Variants in OR51B5 observed in about 807,000 individuals in gnomAD.
The protein encoded by OR51B5 is olfactory receptor 51B5.
For synonymous variants in OR51B5, 186 were observed against 144.8 expected (o/e 1.28, Z -2.04); for missense variants, 456 against 374.6 (o/e 1.22, Z -1.79).
At chr11:5,410,996 G>C (rs1280752403) in intron 1 of OR51B5, among the ~76,000 whole-genome samples, 1 of 152,150 alleles carries the variant, frequency 6.6e-6, no homozygotes, top group Non-Finnish European at 1.5e-5. Context: ...AAAAGATACA[G>C]TAAGCTAAGG....
At chr11:5,400,891 C>T (rs146405077) in intron 1 of OR51B5, among the ~76,000 whole-genome samples, 1 of 152,278 alleles carries the variant, frequency 6.6e-6, no homozygotes, top group African/African-American at 2.4e-5. Context: ...TGCGTAAGTT[C>T]AGCAGTGGCT....
At position 5,389,363 on chromosome 11, in the gene OR51B5, G is replaced by C. The variant is rs78839359; in HGVS notation, n.85-42453C>G. On this transcript the variant is annotated intron_variant and non_coding_transcript_variant, in intron 1 of 4. Coordinates refer to the OR51B5 transcript ENST00000415970. ...AGTGAAGCTGAAGAATTAATAACCA[G>C]AAATATCCATTTATTTTCAGCTCAA... 9.4e-4 allele frequency: 1,495 copies of C among 1,592,438 alleles called. 11 individuals carry two copies. The African/African-American group carries it at 0.018, about 19-fold the overall frequency.
At chr11:5,405,131 C>G (rs982928283) in intron 1 of OR51B5, among the ~76,000 whole-genome samples, 1 of 152,162 alleles carries the variant, frequency 6.6e-6, no homozygotes, top group African/African-American at 2.4e-5. Flanking sequence ...AGCGTTTATA[C>G]TTACATTTTC....
chr11:5,430,926 T>C (rs1343349418), intron 1 of OR51B5: 1 of 457,004 alleles, frequency 2.2e-6, no homozygotes, highest in East Asian at 6.9e-5. Context: ...TGCCCATCAC[T>C]GTATAAAGAA....
chr11:5,423,110 G>A (rs1035561311), intron 1 of OR51B5: 1 of 1,605,942 alleles, frequency 6.2e-7, no homozygotes, highest in Middle Eastern at 1.7e-4. Flanking sequence ...GATCCAATGG[G>A]GAATGTTAAA....
chr11:5,382,669 G>A (rs1849627204), intron 1 of OR51B5, among the ~76,000 whole-genome samples: 2 of 152,092 alleles, frequency 1.3e-5, no homozygotes, highest in South Asian at 4.1e-4. Flanking sequence ...CCTTCCTATT[G>A]TACCGAAGCC....
chr11:5,481,935 G>C (rs1851428574), intron 1 of OR51B5, among the ~76,000 whole-genome samples: 1 of 130,580 alleles, frequency 7.7e-6, no homozygotes, highest in Admixed American at 7.7e-5. Flanking sequence ...ACTGCCCAAG[G>C]TAATTTACAG....
In OR51B5 at chr11:5,483,057, C is replaced by T. The variant is rs879519635; in HGVS notation, n.84+22512G>A. 5.4e-3 allele frequency among the ~76,000 whole-genome samples: 791 copies of T among 147,708 alleles called. 3 individuals carry two copies. The highest frequency in any genetic ancestry group is 0.032 in the South Asian group (142 of 4,460). On this transcript the variant is annotated intron_variant and non_coding_transcript_variant, in intron 1 of 4. Coordinates refer to the OR51B5 transcript ENST00000415970. ...ATGCTGCTATAAAGACACATGCACA[C>T]GTATGTTTATTGCGGCATTATGCAC... is the stretch of plus-strand genomic sequence containing the variant.
chr11:5,360,908 C>T (rs1849273928), intron 1 of OR51B5, among the ~76,000 whole-genome samples: 1 of 151,376 alleles, frequency 6.6e-6, no homozygotes, highest in African/African-American at 2.4e-5. Context: ...CCAAACACTG[C>T]ATGTTCTCAC....
At chr11:5,428,827 C>T (rs1432150899) in intron 1 of OR51B5, among the ~76,000 whole-genome samples, 3 of 152,162 alleles carry the variant, frequency 2.0e-5, no homozygotes, top group Non-Finnish European at 4.4e-5. Flanking sequence ...TGTTCAGAGG[C>T]TGAAACTACC....
chr11:5,402,689 C>T (rs148211449), intron 1 of OR51B5: 1 of 471,252 alleles, frequency 2.1e-6, no homozygotes, highest in Non-Finnish European at 4.4e-6. Flanking sequence ...TCTGGATATC[C>T]GTCCCCTTCT....
intron 1 of OR51B5, among the ~76,000 whole-genome samples, chr11:5,478,220 C>G (rs1204466487): frequency 3.9e-5 from 6 of 152,044 alleles, no homozygotes; most frequent in African/African-American, 1.2e-4. Flanking sequence ...CCCGAGCAGC[C>G]TAACTGGGAG....
chr11:5,427,399 T>C (rs1304811219), intron 1 of OR51B5, among the ~76,000 whole-genome samples: 1 of 152,224 alleles, frequency 6.6e-6, no homozygotes, highest in Non-Finnish European at 1.5e-5. Context: ...GCCAGGTTTT[T>C]CAGAGTTAGA....
At chr11:5,460,791 GAT>G (rs1293079401) in intron 1 of OR51B5, among the ~76,000 whole-genome samples, 1 of 152,204 alleles carries the variant, frequency 6.6e-6, no homozygotes. Flanking sequence ...ATTTAAATGT[GAT>G]ATAAGTTTGG....
At chr11:5,424,653 C>G (rs1286669443) in intron 1 of OR51B5, among the ~76,000 whole-genome samples, 1 of 151,926 alleles carries the variant, frequency 6.6e-6, no homozygotes, top group African/African-American at 2.4e-5. Flanking sequence ...ACTGGGGACC[C>G]CTGGCTGCCT....
At chr11:5,495,041 C>A (rs1171444133) in intron 1 of OR51B5, among the ~76,000 whole-genome samples, 1 of 152,168 alleles carries the variant, frequency 6.6e-6, no homozygotes, top group Non-Finnish European at 1.5e-5. Context: ...TTTCCAGCTG[C>A]TATCCCCCTA....
In OR51B5 at chr11:5,422,692, A is replaced by C. The variant is rs764724057; in HGVS notation, n.85-75782T>G. ...TGGCGGTTCTTCCCTCCCTTTTCTT[A>C]CTCAAGCGACTGCCTTTCTGCCACT... On this transcript the variant is annotated intron_variant and non_coding_transcript_variant, in intron 1 of 4. Coordinates refer to the OR51B5 transcript ENST00000415970. The C allele has an allele frequency of 1.9e-6, 3 of 1,613,160 alleles. No homozygotes were observed. In the East Asian group the frequency reaches 6.7e-5, roughly 36 times the overall value.
At chr11:5,426,733 C>T (rs1009793935) in intron 1 of OR51B5, among the ~76,000 whole-genome samples, 2 of 152,106 alleles carry the variant, frequency 1.3e-5, no homozygotes, top group African/African-American at 4.8e-5. Context: ...AAACCAAGGT[C>T]TCTCTCTGTC....
At chr11:5,460,376 T>C (rs1212016573) in intron 1 of OR51B5, among the ~76,000 whole-genome samples, 1 of 152,260 alleles carries the variant, frequency 6.6e-6, no homozygotes, top group African/African-American at 2.4e-5. Flanking sequence ...CCTGCACATG[T>C]ACCCTTGAAC....
Sources: gnomAD v4.1 joint callset for allele counts (sites outside exome capture counted in the v4.1 genomes callset) on GRCh38, gnomAD v4.1.1 for gene constraint, MANE v1.5 for transcripts, NCBI Gene and HGNC (gene_info 2026-07-23, HGNC 2026-07-21) for gene names.